The following TMEM268 variants were observed in gnomAD, a reference collection of about 807,000 sequenced individuals.
TMEM268 encodes transmembrane protein C9orf91.
TMEM268 carries 24 observed loss-of-function variants against 39.1 expected under a neutral mutation model. That is an observed-to-expected ratio of 0.61 (90% confidence interval 0.44 to 0.86). The LOEUF is 0.86. Ranked by LOEUF, TMEM268 falls within the 40% of genes least tolerant of loss-of-function variation. The pLI, the probability that TMEM268 is intolerant of heterozygous loss-of-function variation, is 0.00. For synonymous variants in TMEM268, 176 were observed against 173.5 expected (o/e 1.01, Z -0.12); for missense variants, 409 against 428.6 (o/e 0.95, Z 0.40).
At chr9:114,628,079 C>T in intron 4 of TMEM268, 22 bp from the exon 5 acceptor site, 1 of 1,610,362 alleles carries the variant, frequency 6.2e-7, no homozygotes, top group Non-Finnish European at 8.5e-7. Context: ...CCTGACCATG[C>T]TCTCTGTCTG....
intron 5 of TMEM268, among the ~76,000 whole-genome samples, chr9:114,633,070 A>G (rs917653928): frequency 1.3e-5 from 2 of 152,114 alleles, no homozygotes; most frequent in Non-Finnish European, 2.9e-5. Flanking sequence ...ATCATAGCTT[A>G]CTATAACCTC....
chr9:114,639,676 C>G (rs1460328266), intron 8 of TMEM268, among the ~76,000 whole-genome samples: 1 of 151,810 alleles, frequency 6.6e-6, no homozygotes, highest in East Asian at 2.0e-4. Context: ...TCCAGGCTTA[C>G]TCTTTTGTGC....
chr9:114,620,438 G>C (rs1334434678), intron 2 of TMEM268, among the ~76,000 whole-genome samples: 1 of 151,852 alleles, frequency 6.6e-6, no homozygotes, highest in Non-Finnish European at 1.5e-5. Context: ...GTAGAGACGG[G>C]GTTTTTCACC....
At chr9:114,608,390 G>GTAA (rs1380457838), upstream of TMEM268, among the ~76,000 whole-genome samples, 1 of 152,242 alleles carries the variant, frequency 6.6e-6, no homozygotes, top group Non-Finnish European at 1.5e-5. Context: ...GGTAGAGCCT[G>GTAA]GTGGGCCAGC....
chr9:114,622,202 C>T (rs1564288173), intron 2 of TMEM268: 1 of 985,396 alleles, frequency 1.0e-6, no homozygotes, highest in East Asian at 1.1e-4. Flanking sequence ...TTTGAAGACT[C>T]AAGTACTGTT....
At chr9:114,605,542 G>T in the TMEM268 span, among the ~76,000 whole-genome samples, 1 of 152,160 alleles carries the variant, frequency 6.6e-6, no homozygotes. Flanking sequence ...TAAAGCCATA[G>T]TTTACTGTGT....
intron 1 of TMEM268, among the ~76,000 whole-genome samples, chr9:114,612,952 A>T (rs1408647026): frequency 2.0e-5 from 3 of 152,154 alleles, no homozygotes; most frequent in Non-Finnish European, 4.4e-5. Context: ...GTGGAGTAAA[A>T]ATGATGGCAG....
rs189893326 is a variant in TMEM268 at position 114,638,523 on chromosome 9, C to G, written c.667-21C>G. On this transcript the variant is annotated intron_variant, in intron 7 of 8. Transcript: ENST00000288502. ...CACCTGATTTAGGCACTCCTGAGCC[C>G]CTTCTCTGTTTCCTTTGCAGTCCTT... The G allele has an allele frequency of 2.3e-4, 352 of 1,527,774 alleles. 1 individual carries two copies. In the East Asian group the frequency reaches 8.0e-3, roughly 35 times the overall value. 94.6% of individuals were successfully genotyped at this position (1,527,774 alleles called of 1,614,324 possible).
At chr9:114,625,820 C>CAATT (rs959837500) in intron 3 of TMEM268, among the ~76,000 whole-genome samples, 1 of 151,266 alleles carries the variant, frequency 6.6e-6, no homozygotes, top group Non-Finnish European at 1.5e-5. Context: ...CAATTCAATT[C>CAATT]AATTAATTAA....
chr9:114,612,142 A>C (rs1316417395), intron 1 of TMEM268, among the ~76,000 whole-genome samples: 1 of 152,168 alleles, frequency 6.6e-6, no homozygotes, highest in Non-Finnish European at 1.5e-5. Flanking sequence ...CACAAACAAA[A>C]CAAAACCTGA....
intron 8 of TMEM268, among the ~76,000 whole-genome samples, chr9:114,642,890 C>T (rs190532880): frequency 1.3e-5 from 2 of 152,192 alleles, no homozygotes; most frequent in East Asian, 3.9e-4. Flanking sequence ...GTTAGTTACT[C>T]ACCTTGGCAA....
At chr9:114,625,098 C>T (rs1351024133) in intron 3 of TMEM268, among the ~76,000 whole-genome samples, 3 of 152,162 alleles carry the variant, frequency 2.0e-5, no homozygotes, top group Admixed American at 6.5e-5. Context: ...TGCTCACTAC[C>T]TGTGTGACTT....
Sources: allele counts gnomAD v4.1 joint callset (sites outside exome capture counted in the v4.1 genomes callset), GRCh38; gene constraint gnomAD v4.1.1; transcripts MANE v1.5; gene names NCBI Gene and HGNC (gene_info 2026-07-23, HGNC 2026-07-21).